The following RAG1 variants were observed in gnomAD, a reference collection of about 807,000 sequenced individuals.
RAG1 encodes the protein V(D)J recombination-activating protein 1.
In RAG1, 35 loss-of-function variants were observed where a neutral mutation model predicts 62.7. The observed-to-expected ratio is 0.56, with a 90% CI of 0.43 to 0.74. The LOEUF (loss-of-function observed/expected upper bound fraction) is 0.74, where lower values mean the gene tolerates loss of function less well. RAG1 is among the 30% of genes least tolerant of loss of function. The probability of loss-of-function intolerance (pLI) is 0.00; values close to 1 mark genes in which losing one functional copy is unlikely to be tolerated. For missense variants in RAG1, 1,169 were observed against 1,278.6 expected (o/e 0.91, Z 1.31); for synonymous variants, 461 against 470.3 (o/e 0.98, Z 0.26).
intron 3 of RAG1, among the ~76,000 whole-genome samples, chr11:36,543,876 A>T (rs1850351962): frequency 6.6e-6 from 1 of 152,192 alleles, no homozygotes; most frequent in Non-Finnish European, 1.5e-5. Context: ...TTTCTCTGGG[A>T]TAAATGGCCA....
At chr11:36,560,915 C>T (rs952176443) in intron 3 of RAG1, among the ~76,000 whole-genome samples, 2 of 152,186 alleles carry the variant, frequency 1.3e-5, no homozygotes, top group Non-Finnish European at 2.9e-5. Context: ...TTCTAGTGTT[C>T]CGCGTTAGAC....
At chr11:36,522,645 C>A (rs184247696) in intron 2 of RAG1, among the ~76,000 whole-genome samples, 181 of 152,234 alleles carry the variant, frequency 1.2e-3, no homozygotes, top group Non-Finnish European at 1.8e-3. Context: ...TCCTCCAGAC[C>A]CCAGAATGGT....
intron 3 of RAG1, among the ~76,000 whole-genome samples, chr11:36,546,666 T>C (rs1184496002): frequency 6.6e-6 from 1 of 152,210 alleles, no homozygotes; most frequent in Non-Finnish European, 1.5e-5. Context: ...AGTTTCTTCA[T>C]AGTGTCAATG....
intron 2 of RAG1, among the ~76,000 whole-genome samples, chr11:36,527,714 G>A (rs1378892788): frequency 6.6e-6 from 1 of 152,114 alleles, no homozygotes; most frequent in Non-Finnish European, 1.5e-5. Context: ...TCCTATCCAT[G>A]AGCATGGAAT....
chr11:36,538,126 C>T (rs1378153959), downstream of RAG1, among the ~76,000 whole-genome samples: 6 of 152,054 alleles, frequency 3.9e-5, no homozygotes, highest in Admixed American at 3.3e-4. Context: ...TTAGAAAAGC[C>T]TTTTCTACTA....
At chr11:36,558,935 G>T (rs899171853) in intron 3 of RAG1, among the ~76,000 whole-genome samples, 15 of 152,134 alleles carry the variant, frequency 9.9e-5, no homozygotes, top group African/African-American at 3.4e-4. Context: ...TGCTCTACTA[G>T]TGGGTTCTAT....
At chr11:36,549,663 G>T (rs569303041) in intron 3 of RAG1, among the ~76,000 whole-genome samples, 3 of 152,234 alleles carry the variant, frequency 2.0e-5, no homozygotes, top group African/African-American at 4.8e-5. Flanking sequence ...TACATGGTTG[G>T]TGGGAGTGTA....
At chr11:36,549,253 A>C (rs2133272523) in intron 3 of RAG1, among the ~76,000 whole-genome samples, 1 of 152,322 alleles carries the variant, frequency 6.6e-6, no homozygotes. Flanking sequence ...CAATGGCAAC[A>C]AAAGCCAAAA....
intron 2 of RAG1, among the ~76,000 whole-genome samples, chr11:36,520,524 G>T (rs151133198): frequency 2.0e-5 from 3 of 152,104 alleles, no homozygotes; most frequent in African/African-American, 7.2e-5. Context: ...TGTTCCACCC[G>T]CCTCGACCTC....
chr11:36,528,152 A>G (rs1860194760), intron 2 of RAG1, among the ~76,000 whole-genome samples: 1 of 152,308 alleles, frequency 6.6e-6, no homozygotes, highest in South Asian at 2.1e-4. Context: ...CCTCATAGAC[A>G]TCTACAGAAC....
At chr11:36,548,914 C>A (rs1001775525) in intron 3 of RAG1, among the ~76,000 whole-genome samples, 1 of 152,028 alleles carries the variant, frequency 6.6e-6, no homozygotes, top group South Asian at 2.1e-4. Context: ...GGTACTGGTA[C>A]CAAAACAGGT....
At chr11:36,547,827 G>A (rs988002819) in intron 3 of RAG1, among the ~76,000 whole-genome samples, 2 of 152,118 alleles carry the variant, frequency 1.3e-5, no homozygotes, top group African/African-American at 4.8e-5. Flanking sequence ...AACAAAAAAA[G>A]AAAATTTCAG....
At position 36,575,210 on chromosome 11, in the gene RAG1, C is replaced by G; in HGVS notation, c.1906C>G (p.His636Asp). 5 of 1,614,138 alleles carry G rather than the reference C, an allele frequency of 3.1e-6. No homozygotes were observed. The highest frequency in any genetic ancestry group is 4.2e-6 in the Non-Finnish European group (5 of 1,180,016). ...CACAATCATGAAAATTACTATTGCC[C>G]ACAGCTCTCAGAATGTGAAAGTATT... ...SFTIMKITIA[H>D]SSQNVKVFEE... The change falls in exon 2 of 2, where the codon CAC becomes GAC. Residue 636 changes from histidine (H) to aspartate (D), a missense_variant. By Grantham distance (81) the His-to-Asp change is moderately conservative. This residue lies in a region of RAG1 where 800 missense variants were observed against 943.3 expected (regional missense o/e 0.85). Coordinates refer to ENST00000299440, the MANE Select transcript of RAG1 (RefSeq NM_000448.3). This position sits in a 1 kb window ranked among gnomAD's most constrained non-coding sequence, Gnocchi z 4.1.
chr11:36,575,772 A>T lies in RAG1; in HGVS notation c.2468A>T (p.Asn823Ile). 6.2e-7 allele frequency: 1 copy of T among 1,614,206 alleles called. No homozygotes were observed. The highest frequency in any genetic ancestry group is 8.5e-7 in the Non-Finnish European group (1 of 1,180,038). Residue 823 changes from asparagine (N) to isoleucine (I), a missense_variant, in exon 2 of 2, where the codon AAT (asparagine) becomes ATT (isoleucine). Asn to Ile is a moderately radical substitution (Grantham distance 149). This residue lies in a region of RAG1 where 800 missense variants were observed against 943.3 expected (regional missense o/e 0.85). Transcript: ENST00000299440. This position sits in a 1 kb window ranked among gnomAD's most constrained non-coding sequence, Gnocchi z 4.1. ...ATAGGGGAAGTGTATAAGAATCCCA[A>T]TGCTTCCAAAGAGGAAAGGAAAAGG... ...LEIGEVYKNP[N>I]ASKEERKRWQ...
In RAG1 at chr11:36,574,570, T is replaced by A. The variant is rs774658361; in HGVS notation, c.1266T>A (p.Ala422=). 3.1e-6 allele frequency: 5 copies of A among 1,614,126 alleles called. No individual in the cohort carries two copies. The highest frequency in any genetic ancestry group is 1.7e-5 in the Admixed American group (1 of 60,008). The change falls in exon 2 of 2, where the codon GCT becomes GCA. Residue 422 remains alanine (A), a synonymous_variant. Transcript: ENST00000299440. The stretch of plus-strand genomic sequence containing the variant: ...TCAAGCTGCAAGTCAAAGCCTTTGC[T>A]GACAAAGAAGAAGGTGGAGATGTGA... ...RELKLQVKAF[A]DKEEGGDVKS... is the part of the protein sequence containing the mutation.
At chr11:36,522,898 C>A (rs1860103864) in intron 2 of RAG1, among the ~76,000 whole-genome samples, 1 of 152,186 alleles carries the variant, frequency 6.6e-6, no homozygotes, top group Admixed American at 6.5e-5. Context: ...AGCCCTTTAG[C>A]TCTTTTGTTT....
chr11:36,573,323 C>G lies in RAG1; in HGVS notation c.19C>G (p.Pro7Ala). MAASFP[P>A]TLGLSSAPDE... is the part of the protein sequence containing the mutation. ...AGCCAGCATGGCAGCCTCTTTCCCA[C>G]CCACCTTGGGACTCAGTTCTGCCCC... The change falls in exon 2 of 2, where the codon CCC becomes GCC. Residue 7 changes from proline (P) to alanine (A), a missense_variant. Coordinates refer to ENST00000299440, the MANE Select transcript of RAG1 (RefSeq NM_000448.3). 6.2e-7 allele frequency: 1 copy of G among 1,614,182 alleles called. No individual in the cohort carries two copies. The highest frequency in any genetic ancestry group is 8.5e-7 in the Non-Finnish European group (1 of 1,180,016).
At chr11:36,547,843 T>C (rs1444242211) in intron 3 of RAG1, among the ~76,000 whole-genome samples, 25 of 152,142 alleles carry the variant, frequency 1.6e-4, no homozygotes, top group Admixed American at 1.6e-3. Flanking sequence ...TTCAGGCCAA[T>C]ACCCCTGATG....
intron 1 of RAG1, among the ~76,000 whole-genome samples, chr11:36,568,551 G>A (rs999102467): frequency 8.5e-5 from 13 of 152,192 alleles, no homozygotes; most frequent in African/African-American, 3.1e-4. Context: ...AACTAGATTG[G>A]CCTAAGTAGG....
Sources: gnomAD v4.1 joint callset for allele counts (sites outside exome capture counted in the v4.1 genomes callset) on GRCh38, gnomAD v4.1.1 for gene constraint, gnomAD v4.1.1 regional missense constraint, Gnocchi (gnomAD v3.1) non-coding constraint, MANE v1.5 for transcripts, NCBI Gene and HGNC (gene_info 2026-07-23, HGNC 2026-07-21) for gene names.